GON4L: variants seen among roughly 807,000 people sequenced by gnomAD.
The protein encoded by GON4L is gon-4 like, also known as GON-4-like protein.
GON4L carries 87 observed loss-of-function variants against 211.8 expected under a neutral mutation model. That is an observed-to-expected ratio of 0.41 (90% CI 0.35 to 0.49). The LOEUF is 0.49. GON4L is among the 20% of genes least tolerant of loss of function. The pLI is 0.15. For synonymous variants in GON4L, 875 were observed against 962.6 expected (o/e 0.91, Z 1.68); for missense variants, 2,155 against 2,659.5 (o/e 0.81, Z 4.17).
Position 155,765,136 on chromosome 1 carries a change from A to G in GON4L, c.4337T>C (p.Val1446Ala). The change falls in exon 21 of 32, where the codon GTT becomes GCT. Residue 1446 changes from valine to alanine, a missense_variant. Transcript: ENST00000368331. Reference sequence around the variant, plus strand: ...CTTCTCTCCTCCAGTTTCTGGCCCAACTGGAGTCCCCACTGACTGACCATC... The same window carrying G: ...CTTCTCTCCTCCAGTTTCTGGCCCAGCTGGAGTCCCCACTGACTGACCATC... ...SVDGQSVGTP[V>A]GPETGGEKNG... 1 of 1,614,126 alleles carries G rather than the reference A, an allele frequency of 6.2e-7. No homozygotes were observed. Among genetic ancestry groups the G allele is most frequent in the Non-Finnish European group, 8.5e-7 (1 of 1,180,012 alleles).
At position 155,828,154 on chromosome 1, in the gene GON4L, TCACA is replaced by T. The variant is rs55858311; in HGVS notation, c.506-1130_506-1127del. On this transcript the variant is annotated intron_variant, in intron 2 of 31. Transcript: ENST00000368331. ...GCCTGGGTGTCAGAGCAAGACACTG[TCACA>T]CACACACACACACACACGCAAAGAA... is the stretch of plus-strand genomic sequence containing the variant. Among the ~76,000 whole-genome samples the T allele has an allele frequency of 5.4e-5, 8 of 147,256 alleles. No individual in the cohort carries two copies. The East Asian group carries it at 1.0e-3, about 19-fold the overall frequency.
chr1:155,748,883 C>A, downstream of GON4L: 2 of 1,168,770 alleles, frequency 1.7e-6, no homozygotes, highest in East Asian at 2.4e-5. Context: ...GTTGTTCCCT[C>A]CCCACCCCTT....
At position 155,808,025 on chromosome 1, in the gene GON4L, C is replaced by A. The variant is rs148166962; in HGVS notation, c.1453-2884G>T. Among the ~76,000 whole-genome samples the A allele has an allele frequency of 7.2e-5, 11 of 151,780 alleles. No individual in the cohort carries two copies. The East Asian group carries it at 2.1e-3, about 29-fold the overall frequency. ...ATTAATCCAAAAATATCACAAAAAT[C>A]TTTTCTTATTTATTTATTTTTTTTT... is the stretch of plus-strand genomic sequence containing the variant. On this transcript the variant is annotated intron_variant, in intron 10 of 31. Coordinates refer to ENST00000368331, the MANE Select transcript of GON4L (RefSeq NM_001282860.2).
At chr1:155,802,237 T>C (rs573781572) in intron 11 of GON4L, among the ~76,000 whole-genome samples, 1 of 144,196 alleles carries the variant, frequency 6.9e-6, no homozygotes, top group Admixed American at 7.2e-5. Flanking sequence ...TGCCAATAAA[T>C]AAACTCTAAG....
chr1:155,812,449 T>C (rs1269726639), intron 10 of GON4L, among the ~76,000 whole-genome samples: 1 of 152,042 alleles, frequency 6.6e-6, no homozygotes, highest in African/African-American at 2.4e-5. Flanking sequence ...GGTTGAATGC[T>C]GAATAGGGAA....
At chr1:155,746,991 C>T, downstream of GON4L, 4 of 1,583,134 alleles carry the variant, frequency 2.5e-6, no homozygotes, top group East Asian at 2.2e-5. Context: ...TGGGAAAAAG[C>T]ACTCCTTTTC....
At chr1:155,771,445 G>A (rs1359070790) in intron 18 of GON4L, among the ~76,000 whole-genome samples, 1 of 151,880 alleles carries the variant, frequency 6.6e-6, no homozygotes, top group Non-Finnish European at 1.5e-5. Flanking sequence ...GGGATTACAG[G>A]CATGAGCCAT....
At chr1:155,790,701 T>C (rs536761827) in intron 12 of GON4L, among the ~76,000 whole-genome samples, 1 of 151,944 alleles carries the variant, frequency 6.6e-6, no homozygotes, top group Non-Finnish European at 1.5e-5. Flanking sequence ...ATCCCAGCAC[T>C]TTGGGAGGCC....
chr1:155,830,354 C>T (rs1436662743), intron 2 of GON4L, among the ~76,000 whole-genome samples: 3 of 150,764 alleles, frequency 2.0e-5, no homozygotes, highest in South Asian at 2.1e-4. Context: ...CTCAGCTCAC[C>T]GCAACCTCCG....
chr1:155,745,916 A>G, downstream of GON4L: 2 of 871,798 alleles, frequency 2.3e-6, no homozygotes, highest in Admixed American at 2.8e-5. Flanking sequence ...CCAGCAGGTG[A>G]GGTCAGCCGG....
chr1:155,747,535 A>T (rs1660282105), downstream of GON4L: 1 of 1,613,842 alleles, frequency 6.2e-7, no homozygotes, highest in African/African-American at 1.3e-5. Context: ...AAGAGATGTA[A>T]GTCTTGGATC....
At chr1:155,831,142 TA>T (rs2102337060) in intron 2 of GON4L, among the ~76,000 whole-genome samples, 1 of 151,920 alleles carries the variant, frequency 6.6e-6, no homozygotes, top group Non-Finnish European at 1.5e-5. Context: ...CGACAAAAAA[TA>T]CAAAAATTAG....
intron 12 of GON4L, among the ~76,000 whole-genome samples, chr1:155,790,105 ATTT>A (rs750024980): frequency 7.0e-4 from 102 of 145,494 alleles, no homozygotes; most frequent in Non-Finnish European, 1.1e-3. Flanking sequence ...CACCCAGATA[ATTT>A]TTTTTTTTTG....
At position 155,845,603 on chromosome 1, in the gene GON4L, T is replaced by A. The variant is rs1007984371; in HGVS notation, c.505+7673A>T. Reference sequence around the variant, plus strand: ...AGCCCACGATTATTTGAAAAACACATACAGAATGTTTAAGAGGGTGAATGC... The same window carrying A: ...AGCCCACGATTATTTGAAAAACACAAACAGAATGTTTAAGAGGGTGAATGC... On this transcript the variant is annotated intron_variant, in intron 2 of 31. Transcript: ENST00000368331. 1.1e-4 allele frequency: 34 copies of A among 319,716 alleles called. 1 individual carries two copies. Among genetic ancestry groups the A allele is most frequent in the Middle Eastern group, 2.3e-3 (2 of 864 alleles). 19.8% of individuals were successfully genotyped at this position (319,716 alleles called of 1,614,324 possible). A position where few individuals can be genotyped will look rare whatever the true frequency, so the allele number is the denominator to read the frequency against.
upstream of GON4L, chr1:155,859,410 G>A (rs1557944085): frequency 5.2e-6 from 1 of 193,264 alleles, no homozygotes; most frequent in Admixed American, 6.1e-5. Flanking sequence ...GCTTCCTGAA[G>A]GGGGCGAGGG....
At chr1:155,787,380 A>T (rs974395738) in intron 12 of GON4L, among the ~76,000 whole-genome samples, 1 of 152,222 alleles carries the variant, frequency 6.6e-6, no homozygotes, top group Non-Finnish European at 1.5e-5. Flanking sequence ...CTCATAACCA[A>T]CAAGGCAAAC....
At chr1:155,831,390 T>C (rs533305977) in intron 2 of GON4L, 7 of 152,084 alleles carry the variant, frequency 4.6e-5, no homozygotes, top group African/African-American at 1.7e-4. Context: ...TTAGAGGTTG[T>C]AGTGAGCCAT....
intron 14 of GON4L, among the ~76,000 whole-genome samples, chr1:155,779,158 G>T (rs1391829717): frequency 6.7e-6 from 1 of 149,266 alleles, no homozygotes; most frequent in South Asian, 2.1e-4. Flanking sequence ...GGAGGCTGAG[G>T]CAGGAGAATG....
Position 155,762,287 on chromosome 1 carries a change from G to A in GON4L, c.4814C>T (p.Thr1605Ile). ...RGSRARASKD[T>I]SKLLLLYDED... ...ATCATACAGCAACAGCAGCTTGGAG[G>A]TGTCCTTGCTGGCCCGAGCCCGACT... Residue 1605 changes from threonine (T) to isoleucine (I), a missense_variant, in exon 23 of 32, where the codon ACC becomes ATC. Thr to Ile is a moderately conservative substitution (Grantham distance 89, BLOSUM62 -1). This residue lies in a region of GON4L where 455 missense variants were observed against 504.6 expected (regional missense o/e 0.90). Coordinates refer to ENST00000368331, the MANE Select transcript of GON4L (RefSeq NM_001282860.2). 1.2e-6 allele frequency: 2 copies of A among 1,613,394 alleles called. No homozygotes were observed. The highest frequency in any genetic ancestry group is 1.7e-6 in the Non-Finnish European group (2 of 1,179,554).
Sources: allele counts gnomAD v4.1 joint callset (sites outside exome capture counted in the v4.1 genomes callset), GRCh38; gene constraint gnomAD v4.1.1; regional missense constraint gnomAD v4.1.1; transcripts MANE v1.5; gene names NCBI Gene and HGNC (gene_info 2026-07-23, HGNC 2026-07-21).